The following ABCC4 variants were observed in gnomAD, a reference collection of about 807,000 sequenced individuals.
ABCC4 encodes the protein ATP-binding cassette sub-family C member 4.
A neutral mutation model predicts 168.5 loss-of-function variants in ABCC4; 102 were observed. That is an observed-to-expected ratio of 0.61 (90% CI 0.52 to 0.71). The LOEUF is 0.71. Among genes scored for constraint, ABCC4 ranks in the 30% least tolerant of loss-of-function variants. The probability of loss-of-function intolerance (pLI) is 0.00; values close to 1 mark genes in which losing one functional copy is unlikely to be tolerated. For missense variants in ABCC4, 1,402 were observed against 1,605.8 expected, an observed-to-expected ratio of 0.87 and a Z score of 2.17; for synonymous variants, 617 against 590.7, an observed-to-expected ratio of 1.04 and a Z score of -0.65.
At chr13:95,218,969 G>GAA (rs1566539731) in intron 4 of ABCC4, among the ~76,000 whole-genome samples, 4 of 37,386 alleles carry the variant, frequency 1.1e-4, no homozygotes, top group Admixed American at 4.4e-4. Flanking sequence ...AAGAAAGAAA[G>GAA]AAAGAAAGAA....
intron 1 of ABCC4, among the ~76,000 whole-genome samples, chr13:95,284,185 T>C (rs1025521407): frequency 6.6e-6 from 1 of 152,028 alleles, no homozygotes; most frequent in Non-Finnish European, 1.5e-5. Context: ...ATTTTGGTTG[T>C]TGTTTTTTGG....
chr13:95,211,954 A>T (rs1279645148), intron 4 of ABCC4, among the ~76,000 whole-genome samples: 1 of 152,140 alleles, frequency 6.6e-6, no homozygotes, highest in African/African-American at 2.4e-5. Flanking sequence ...CTGAAGGCAG[A>T]TCACTTGAGG....
intron 5 of ABCC4, 124 bp downstream of exon 5, chr13:95,210,568 A>C: frequency 1.3e-6 from 1 of 763,298 alleles, no homozygotes; most frequent in Non-Finnish European, 2.2e-6. Flanking sequence ...TCAAGCCTTC[A>C]GCGAGCTATG....
intron 4 of ABCC4, among the ~76,000 whole-genome samples, chr13:95,227,730 G>T (rs2039504580): frequency 6.6e-6 from 1 of 152,096 alleles, no homozygotes; most frequent in South Asian, 2.1e-4. Context: ...TTTTTTTAAA[G>T]AAGAGTCTTG....
At chr13:95,029,164 A>G (rs2031686690) in intron 30 of ABCC4, among the ~76,000 whole-genome samples, 1 of 94,842 alleles carries the variant, frequency 1.1e-5, no homozygotes, top group African/African-American at 4.2e-5. Context: ...TTTAAAAAAA[A>G]TACATATATA....
At chr13:95,157,887 C>T (rs775765523) in intron 19 of ABCC4, among the ~76,000 whole-genome samples, 35 of 151,742 alleles carry the variant, frequency 2.3e-4, no homozygotes, top group Non-Finnish European at 3.7e-4. Flanking sequence ...CTGGCCAACA[C>T]GGTGAAACCC....
chr13:95,073,080 C>T, intron 24 of ABCC4, 124 bp downstream of exon 24: 1 of 692,404 alleles, frequency 1.4e-6, no homozygotes, highest in Non-Finnish European at 2.3e-6. Flanking sequence ...GAGGAAGGAT[C>T]TTAAAAAAAA....
At chr13:95,289,355 C>T (rs7982809) in intron 1 of ABCC4, among the ~76,000 whole-genome samples, 36,611 of 152,050 alleles carry the variant, frequency 0.24, 4,705 homozygotes, top group East Asian at 0.41. Flanking sequence ...AACATAGTGA[C>T]GCAGAGGCTG....
chr13:95,217,478 TC>T, intron 4 of ABCC4, among the ~76,000 whole-genome samples: 1 of 152,150 alleles, frequency 6.6e-6, no homozygotes, highest in East Asian at 1.9e-4. Context: ...ATGCCTGTAA[TC>T]CTAGCACTTT....
At chr13:95,209,629 C>T in intron 5 of ABCC4, 32 bp from the exon 6 acceptor site, 1 of 1,582,160 alleles carries the variant, frequency 6.3e-7, no homozygotes, top group Non-Finnish European at 8.6e-7. Context: ...GTTCTTAGGA[C>T]TCCAGAAAAG....
At chr13:95,282,528 TA>T (rs146690758) in intron 1 of ABCC4, among the ~76,000 whole-genome samples, 1,759 of 152,140 alleles carry the variant, frequency 0.012, 33 homozygotes, top group African/African-American at 0.04. Context: ...GTTTTTCTTT[TA>T]TTTTTTTATT....
Position 95,259,895 on chromosome 13 carries a change from GC to G in ABCC4, c.75-12143del, listed in dbSNP as rs569919570. ...AAAGATGGGACACATGTGGACACAGGCTATGCACAGACTCTACTTCTGGGCT... is the reference window on the plus strand; with the variant it reads ...AAAGATGGGACACATGTGGACACAGGTATGCACAGACTCTACTTCTGGGCT... On this transcript the variant is annotated intron_variant, in intron 1 of 30. Transcript: ENST00000645237. 1.2e-3 allele frequency among the ~76,000 whole-genome samples: 186 copies of G among 151,742 alleles called. 1 individual carries two copies. Among genetic ancestry groups the G allele is most frequent in the African/African-American group, 4.3e-3 (179 of 41,310 alleles).
intron 1 of ABCC4, among the ~76,000 whole-genome samples, chr13:95,296,659 T>C (rs1031273718): frequency 1.3e-5 from 2 of 152,150 alleles, no homozygotes; most frequent in African/African-American, 2.4e-5. Context: ...AAGTCCTTCG[T>C]TGTTAGCCTC....
chr13:95,282,823 G>A (rs531367877), intron 1 of ABCC4, among the ~76,000 whole-genome samples: 49 of 151,998 alleles, frequency 3.2e-4, no homozygotes, highest in South Asian at 4.2e-4. Context: ...GTGAGCCACC[G>A]TGTCCAGCCT....
chr13:95,168,583 G>A (rs1157070304), intron 14 of ABCC4, among the ~76,000 whole-genome samples: 6 of 152,164 alleles, frequency 3.9e-5, no homozygotes, highest in South Asian at 2.1e-4. Flanking sequence ...ATTAACACTC[G>A]TTTTTGTTAT....
chr13:95,206,450 G>A lies in ABCC4; in HGVS notation c.1161+82C>T, dbSNP rs3818494. The A allele has an allele frequency of 1.5e-5, 23 of 1,547,416 alleles. No homozygotes were observed. The South Asian group carries it at 2.5e-4, about 17-fold the overall frequency. Reference sequence around the variant, plus strand: ...TGAGAGAGTTAAATGTCATTACACTGGAACATAGTGATGCTAAATAAAAGG... The same window carrying A: ...TGAGAGAGTTAAATGTCATTACACTAGAACATAGTGATGCTAAATAAAAGG... On this transcript the variant is annotated intron_variant, in intron 8 of 30. Transcript: ENST00000645237.
At chr13:95,097,869 C>T (rs2034661903) in intron 20 of ABCC4, among the ~76,000 whole-genome samples, 1 of 151,828 alleles carries the variant, frequency 6.6e-6, no homozygotes, top group Non-Finnish European at 1.5e-5. Flanking sequence ...GGTACAGTGG[C>T]TCACGCCTAT....
chr13:95,050,184 T>A (rs988668256), intron 27 of ABCC4, among the ~76,000 whole-genome samples: 5 of 152,170 alleles, frequency 3.3e-5, no homozygotes, highest in Non-Finnish European at 7.3e-5. Flanking sequence ...CACACATAAC[T>A]TCACGTTTAC....
chr13:95,228,031 C>T (rs57996961), intron 4 of ABCC4, among the ~76,000 whole-genome samples: 3,405 of 152,204 alleles, frequency 0.022, 133 homozygotes, highest in African/African-American at 0.076. Flanking sequence ...TAATTTCATA[C>T]TATTCAGTCT....
Sources: gnomAD v4.1 joint callset for allele counts (sites outside exome capture counted in the v4.1 genomes callset) on GRCh38, gnomAD v4.1.1 for gene constraint, MANE v1.5 for transcripts, NCBI Gene and HGNC (gene_info 2026-07-23, HGNC 2026-07-21) for gene names.